Variants in PTPRM observed in about 807,000 individuals in gnomAD.
The protein encoded by PTPRM is protein tyrosine phosphatase receptor type M, also known as receptor-type tyrosine-protein phosphatase mu.
PTPRM carries 47 observed loss-of-function variants against 186.7 expected under a neutral mutation model. The ratio of observed to expected loss-of-function variants is 0.25; its 90% CI spans 0.20 to 0.32. PTPRM has a LOEUF of 0.32. Ranked by LOEUF, PTPRM falls within the 10% of genes least tolerant of loss-of-function variation. The pLI is 1.00. For missense variants in PTPRM, 1,494 were observed against 1,865.0 expected (o/e 0.80, Z 3.66); for synonymous variants, 668 against 674.9 (o/e 0.99, Z 0.16).
intron 7 of PTPRM, among the ~76,000 whole-genome samples, chr18:8,068,873 G>A (rs532130691): frequency 1.1e-4 from 16 of 152,242 alleles, no homozygotes; most frequent in Admixed American, 1.3e-4. Context: ...GCCAAGGCAG[G>A]CGGATCACGA....
At chr18:7,763,094 A>G (rs756186178) in intron 1 of PTPRM, among the ~76,000 whole-genome samples, 2 of 152,182 alleles carry the variant, frequency 1.3e-5, no homozygotes, top group Admixed American at 1.3e-4. Flanking sequence ...GACCAGCATA[A>G]TGTTTCTCAG....
At chr18:8,137,094 T>A (rs759883295) in intron 13 of PTPRM, among the ~76,000 whole-genome samples, 5 of 152,246 alleles carry the variant, frequency 3.3e-5, no homozygotes, top group Admixed American at 6.5e-5. Context: ...ATATTTCCAC[T>A]GCTTCCATTT....
intron 6 of PTPRM, among the ~76,000 whole-genome samples, chr18:7,949,813 T>C (rs1038467436): frequency 1.3e-5 from 2 of 152,136 alleles, no homozygotes; most frequent in Non-Finnish European, 2.9e-5. Flanking sequence ...ACATTCATAA[T>C]GTTCCAGTTA....
intron 2 of PTPRM, among the ~76,000 whole-genome samples, chr18:7,812,883 C>T (rs901648651): frequency 2.0e-5 from 3 of 152,142 alleles, no homozygotes; most frequent in Admixed American, 6.5e-5. Flanking sequence ...GCAGCAGTGG[C>T]GCAGAGGTGC....
intron 25 of PTPRM, 52 bp downstream of exon 25, chr18:8,376,252 A>G (rs1472640567): frequency 1.9e-6 from 3 of 1,594,668 alleles, no homozygotes; most frequent in South Asian, 2.2e-5. Flanking sequence ...TGATGGGTGC[A>G]GGGCCACCTT....
chr18:8,220,262 A>T (rs116468860), intron 14 of PTPRM, among the ~76,000 whole-genome samples: 2,604 of 152,334 alleles, frequency 0.017, 30 homozygotes, highest in African/African-American at 0.033. Context: ...TCCGAACTTT[A>T]AAGTATTTTT....
At chr18:8,340,446 A>G (rs1159905092) in intron 22 of PTPRM, among the ~76,000 whole-genome samples, 1 of 152,236 alleles carries the variant, frequency 6.6e-6, no homozygotes, top group East Asian at 1.9e-4. Context: ...CTAAGTGTAT[A>G]TTATCAGCCA....
chr18:8,127,642 G>A (rs1267952226), intron 13 of PTPRM, among the ~76,000 whole-genome samples: 3 of 152,134 alleles, frequency 2.0e-5, no homozygotes, highest in Non-Finnish European at 4.4e-5. Context: ...GGTGCATACA[G>A]TTTAGCTCTG....
At chr18:7,839,061 C>G (rs748740322) in intron 2 of PTPRM, among the ~76,000 whole-genome samples, 31 of 152,132 alleles carry the variant, frequency 2.0e-4, no homozygotes, top group South Asian at 1.0e-3. Context: ...GATAGCATTT[C>G]TGGACTCACC....
chr18:7,824,310 C>T (rs2045364955), intron 2 of PTPRM, among the ~76,000 whole-genome samples: 1 of 152,140 alleles, frequency 6.6e-6, no homozygotes. Flanking sequence ...CTGCGGGTGA[C>T]ATCAGTCAGG....
chr18:7,922,079 G>T (rs1280529203), intron 4 of PTPRM, among the ~76,000 whole-genome samples: 1 of 152,008 alleles, frequency 6.6e-6, no homozygotes, highest in African/African-American at 2.4e-5. Context: ...TCCTCTGCTA[G>T]GTTACTGCCT....
At chr18:8,201,801 A>G (rs1284426341) in intron 14 of PTPRM, among the ~76,000 whole-genome samples, 1 of 152,138 alleles carries the variant, frequency 6.6e-6, no homozygotes, top group Non-Finnish European at 1.5e-5. Context: ...TCTAACTATA[A>G]TCACATTGAG....
intron 19 of PTPRM, among the ~76,000 whole-genome samples, chr18:8,275,543 C>G (rs1045276722): frequency 3.9e-5 from 6 of 152,180 alleles, no homozygotes; most frequent in Non-Finnish European, 5.9e-5. Flanking sequence ...GGCATGAATG[C>G]GGTCAGAAAG....
intron 22 of PTPRM, among the ~76,000 whole-genome samples, chr18:8,337,300 A>C (rs2095445447): frequency 6.6e-6 from 1 of 152,094 alleles, no homozygotes; most frequent in Non-Finnish European, 1.5e-5. Context: ...GAGTAGCTGG[A>C]ATTACATCAG....
chr18:7,811,766 A>G (rs78378514), intron 2 of PTPRM, among the ~76,000 whole-genome samples: 1,529 of 152,136 alleles, frequency 0.01, 21 homozygotes, highest in African/African-American at 0.035. Context: ...TGGCACTGTT[A>G]TATAAGTCAA....
intron 19 of PTPRM, among the ~76,000 whole-genome samples, chr18:8,280,873 A>T (rs981563294): frequency 6.6e-6 from 1 of 152,182 alleles, no homozygotes; most frequent in African/African-American, 2.4e-5. Context: ...AAAAATGGGG[A>T]TGCAGGCCCC....
intron 2 of PTPRM, chr18:7,814,497 G>A (rs987521167): frequency 1.3e-5 from 2 of 152,204 alleles, no homozygotes; most frequent in Non-Finnish European, 2.9e-5. Flanking sequence ...TTTCGGTGTG[G>A]GCACCTGAAC....
chr18:8,206,820 C>CAG (rs1362341298), intron 14 of PTPRM, among the ~76,000 whole-genome samples: 1 of 152,032 alleles, frequency 6.6e-6, no homozygotes, highest in East Asian at 1.9e-4. Context: ...TGTGTGGTGA[C>CAG]AGAGAGAGAC....
chr18:7,578,961 GT>G (rs1432617442), intron 1 of PTPRM, among the ~76,000 whole-genome samples: 7 of 152,172 alleles, frequency 4.6e-5, no homozygotes, highest in Non-Finnish European at 1.0e-4. Flanking sequence ...GTGAAAAAGT[GT>G]TGAATATTGG....
Sources: gnomAD v4.1 joint callset for allele counts (sites outside exome capture counted in the v4.1 genomes callset) on GRCh38, gnomAD v4.1.1 for gene constraint, MANE v1.5 for transcripts, NCBI Gene and HGNC (gene_info 2026-07-23, HGNC 2026-07-21) for gene names.